The following SRPK2 variants were observed in gnomAD, a reference collection of about 807,000 sequenced individuals.
SRPK2 encodes SFRS protein kinase 2.
In SRPK2, 21 loss-of-function variants were observed where a neutral mutation model predicts 90.8. That is an observed-to-expected ratio of 0.23 (90% confidence interval 0.16 to 0.33). The LOEUF (loss-of-function observed/expected upper bound fraction) is 0.33, where lower values mean the gene tolerates loss of function less well. SRPK2 is among the 10% of genes least tolerant of loss of function. The pLI, the probability that SRPK2 is intolerant of heterozygous loss-of-function variation, is 1.00. For synonymous variants in SRPK2, 288 were observed against 311.1 expected (o/e 0.93, Z 0.78); for missense variants, 620 against 869.0 (o/e 0.71, Z 3.60).
At chr7:105,178,818 C>CA (rs200633176) in intron 3 of SRPK2, among the ~76,000 whole-genome samples, 1,629 of 150,982 alleles carry the variant, frequency 0.011, 22 homozygotes, top group African/African-American at 0.037. Flanking sequence ...CAAAACAAAA[C>CA]AAAAAAAACA....
chr7:105,294,966 T>G (rs1045885905), intron 2 of SRPK2, among the ~76,000 whole-genome samples: 6 of 152,160 alleles, frequency 3.9e-5, no homozygotes, highest in African/African-American at 1.4e-4. Context: ...ATCCCAGCAC[T>G]TTGGGAAACC....
chr7:105,207,639 A>G (rs1317040806), intron 2 of SRPK2, among the ~76,000 whole-genome samples: 1 of 152,230 alleles, frequency 6.6e-6, no homozygotes, highest in Non-Finnish European at 1.5e-5. Flanking sequence ...TGCAAAATAA[A>G]TAAAGTTGGA....
chr7:105,120,001 AT>A (rs1338042522), intron 15 of SRPK2, among the ~76,000 whole-genome samples: 1 of 152,246 alleles, frequency 6.6e-6, no homozygotes, highest in Non-Finnish European at 1.5e-5. Flanking sequence ...TAATCACAAG[AT>A]TATTAAAATG....
intron 3 of SRPK2, among the ~76,000 whole-genome samples, chr7:105,192,304 T>A (rs920465671): frequency 6.6e-6 from 1 of 152,172 alleles, no homozygotes; most frequent in East Asian, 1.9e-4. Flanking sequence ...TGAGAGAACA[T>A]AGGATGTCTG....
rs1805476996 is a variant in SRPK2, at chr7:105,269,021, T to C, written c.72-65236A>G. 4 of 1,333,066 alleles carry C rather than the reference T, an allele frequency of 3.0e-6. No individual in the cohort carries two copies. The Admixed American group carries it at 8.2e-5, about 27-fold the overall frequency. 82.6% of individuals were successfully genotyped at this position (1,333,066 alleles called of 1,614,324 possible). A position where few individuals can be genotyped will look rare whatever the true frequency, so the allele number is the denominator to read the frequency against. On this transcript the variant is annotated intron_variant, in intron 2 of 15. Coordinates refer to ENST00000393651, the MANE Select transcript of SRPK2 (RefSeq NM_182692.3). ...TTAGGACTGGGATTCAATGGTGCTA[T>C]AAAGGGAAAAAGCTCCAGAGGCATC...
intron 3 of SRPK2, among the ~76,000 whole-genome samples, chr7:105,185,033 T>C (rs1197883253): frequency 6.6e-6 from 1 of 152,174 alleles, no homozygotes; most frequent in African/African-American, 2.4e-5. Context: ...ACATGAACTT[T>C]AGTACGTGAA....
chr7:105,341,383 G>GAAAAA (rs1815772446), intron 2 of SRPK2, among the ~76,000 whole-genome samples: 2 of 22,560 alleles, frequency 8.9e-5, no homozygotes, highest in South Asian at 1.7e-3. Flanking sequence ...AAAAAAAAAG[G>GAAAAA]GGGAATGTGG....
intron 2 of SRPK2, among the ~76,000 whole-genome samples, chr7:105,307,706 G>A (rs922789106): frequency 3.0e-4 from 45 of 152,208 alleles, no homozygotes; most frequent in Middle Eastern, 3.2e-3. Context: ...TAAGTGGTAA[G>A]ACTGTGGGTG....
At position 105,142,050 on chromosome 7, in the gene SRPK2, TTC is replaced by T; in HGVS notation, c.1499_1500del (p.Arg500LysfsTer21). On this transcript the variant is annotated frameshift_variant, in exon 11 of 16. Transcript: ENST00000393651. LOFTEE classifies it high-confidence loss of function. ...GTACTGGAGGCTGAAACCGTTCTGC[TTC>T]TGTCATGGGATGGACTGCTCTCCTC... Reference protein sequence around the residue: ...EQEESSPSHDRSRTVSASSTG... With the variant: ...EQEESSPSHDXSRTVSASSTG... The T allele has an allele frequency of 6.2e-7, 1 of 1,613,906 alleles. No individual in the cohort carries two copies. Among genetic ancestry groups the T allele is most frequent in the Non-Finnish European group, 8.5e-7 (1 of 1,179,916 alleles).
intron 2 of SRPK2, among the ~76,000 whole-genome samples, chr7:105,237,532 T>C (rs538577537): frequency 8.5e-4 from 129 of 152,232 alleles, no homozygotes; most frequent in Non-Finnish European, 1.3e-3. Context: ...GGAGCCCAGA[T>C]AGTTTTCATC....
chr7:105,159,833 C>T (rs1280112225), intron 7 of SRPK2, among the ~76,000 whole-genome samples: 1 of 152,164 alleles, frequency 6.6e-6, no homozygotes, highest in Non-Finnish European at 1.5e-5. Context: ...CCCAGCTTTA[C>T]TGAGGTACAA....
rs189637578 is a variant in SRPK2 at position 105,294,048 on chromosome 7, A to T, written c.72-90263T>A. On this transcript the variant is annotated intron_variant, in intron 2 of 15. Transcript: ENST00000393651. ...ATCCCTCGGAGTGATACAACATACAACATAGCCAAATCCCAAAGGGCTGCC... is the reference window on the plus strand; with the variant it reads ...ATCCCTCGGAGTGATACAACATACATCATAGCCAAATCCCAAAGGGCTGCC... 7.9e-5 allele frequency among the ~76,000 whole-genome samples: 12 copies of T among 152,234 alleles called. No homozygotes were observed. In the East Asian group the frequency reaches 2.3e-3, roughly 29 times the overall value.
chr7:105,312,490 T>A (rs1157949846), intron 2 of SRPK2, among the ~76,000 whole-genome samples: 2 of 146,370 alleles, frequency 1.4e-5, no homozygotes, highest in Non-Finnish European at 1.5e-5. Context: ...AACATTATAC[T>A]ATGTAAACAA....
intron 6 of SRPK2, among the ~76,000 whole-genome samples, chr7:105,164,326 G>C (rs532355188): frequency 6.6e-6 from 1 of 152,298 alleles, no homozygotes; most frequent in African/African-American, 2.4e-5. Context: ...CTTCACCAAG[G>C]AGTCCTTCTC....
At chr7:105,138,112 G>A (rs1021134191) in intron 11 of SRPK2, among the ~76,000 whole-genome samples, 2 of 152,196 alleles carry the variant, frequency 1.3e-5, no homozygotes, top group African/African-American at 4.8e-5. Flanking sequence ...ATGTGTGTTG[G>A]ACACAGTAAA....
chr7:105,301,995 A>C (rs1810607535), intron 2 of SRPK2: 37 of 1,602,306 alleles, frequency 2.3e-5, no homozygotes, highest in Non-Finnish European at 3.1e-5. Flanking sequence ...CTGGCAGACA[A>C]AACAGATCAC....
At chr7:105,192,668 T>C (rs1379451655) in intron 3 of SRPK2, among the ~76,000 whole-genome samples, 1 of 152,210 alleles carries the variant, frequency 6.6e-6, no homozygotes, top group African/African-American at 2.4e-5. Context: ...CCACCAGCAG[T>C]GTAGAAGTGT....
chr7:105,378,895 G>C (rs931943073), intron 2 of SRPK2, among the ~76,000 whole-genome samples: 1 of 152,094 alleles, frequency 6.6e-6, no homozygotes, highest in African/African-American at 2.4e-5. Flanking sequence ...GCAAAAATGT[G>C]AAGCAAACTT....
At position 105,366,367 on chromosome 7, in the gene SRPK2, C is replaced by CTTTT. The variant is rs34409221; in HGVS notation, c.71+22277_71+22280dup. ...ATTGTATTAGCATCTACAGGTATGCCTTTTTTTTTTTTTTCTTTTTGAGAC... is the reference window on the plus strand; with the variant it reads ...ATTGTATTAGCATCTACAGGTATGCCTTTTTTTTTTTTTTTTTTCTTTTTGAGAC... On this transcript the variant is annotated intron_variant, in intron 2 of 15. Transcript: ENST00000393651. Among the ~76,000 whole-genome samples the CTTTT allele has an allele frequency of 3.5e-3, 492 of 139,324 alleles. 23 individuals carry two copies. The highest frequency in any genetic ancestry group is 0.011 in the East Asian group (53 of 4,738). The allele number at this position is 139,324 out of a possible 152,430, so 91.4% of individuals were successfully genotyped here.
Sources: allele counts gnomAD v4.1 joint callset (sites outside exome capture counted in the v4.1 genomes callset), GRCh38; gene constraint gnomAD v4.1.1; transcripts MANE v1.5; gene names NCBI Gene and HGNC (gene_info 2026-07-23, HGNC 2026-07-21).